Variants in FAM13B observed in about 807,000 individuals in gnomAD.
FAM13B encodes the protein protein FAM13B.
Under a neutral mutation model 117.3 loss-of-function variants are expected in FAM13B, and 60 were observed. That is an observed-to-expected ratio of 0.51 (90% CI 0.42 to 0.63). The LOEUF (loss-of-function observed/expected upper bound fraction) is 0.63. Among genes scored for constraint, FAM13B ranks in the 30% least tolerant of loss-of-function variants. The probability of loss-of-function intolerance (pLI) is 0.00; values close to 1 mark genes in which losing one functional copy is unlikely to be tolerated. For synonymous variants in FAM13B, 332 were observed against 356.1 expected, an observed-to-expected ratio of 0.93 and a Z score of 0.76; for missense variants, 972 against 1,091.9, an observed-to-expected ratio of 0.89 and a Z score of 1.55.
At chr5:137,989,026 A>T (rs1423884401) in intron 7 of FAM13B, among the ~76,000 whole-genome samples, 3 of 152,222 alleles carry the variant, frequency 2.0e-5, no homozygotes, top group Non-Finnish European at 4.4e-5. Context: ...GGTAATTTTT[A>T]AAAAATCATT....
At chr5:137,982,618 T>C (rs1202354851) in intron 10 of FAM13B, among the ~76,000 whole-genome samples, 1 of 152,194 alleles carries the variant, frequency 6.6e-6, no homozygotes, top group African/African-American at 2.4e-5. Context: ...CACAGGGACA[T>C]AGAAAAGAAT....
At chr5:137,959,883 C>T in intron 12 of FAM13B, 120 bp from the exon 13 acceptor site, 1 of 884,604 alleles carries the variant, frequency 1.1e-6, no homozygotes, top group Admixed American at 2.6e-5. Flanking sequence ...ATACAGCCAA[C>T]TGTCCCACTC....
chr5:137,949,190 T>A lies in FAM13B; in HGVS notation c.1931-6A>T. On this transcript the variant is annotated splice_polypyrimidine_tract_variant and splice_region_variant and intron_variant, in intron 17 of 23. Coordinates refer to ENST00000689681, the MANE Select transcript of FAM13B (RefSeq NM_001385994.1). ...AGAATTTTTGTGTTTTGCATCTACA[T>A]GTCAGAAATAAGGACAGATCAGTAA... The A allele has an allele frequency of 6.2e-7, 1 of 1,609,786 alleles. No homozygotes were observed. The highest frequency in any genetic ancestry group is 8.5e-7 in the Non-Finnish European group (1 of 1,176,198).
At chr5:137,967,044 A>T (rs1448956362) in intron 10 of FAM13B, among the ~76,000 whole-genome samples, 5 of 152,108 alleles carry the variant, frequency 3.3e-5, no homozygotes, top group Non-Finnish European at 4.4e-5. Flanking sequence ...TAAAAGAAGA[A>T]AGTTAGCTTA....
rs1761163168 is a variant in FAM13B, at chr5:137,940,006, G to A, written c.*219C>T. 1 of 1,600,140 alleles carries A rather than the reference G, an allele frequency of 6.2e-7. No individual in the cohort carries two copies. Among genetic ancestry groups the A allele is most frequent in the Non-Finnish European group, 8.5e-7 (1 of 1,172,896 alleles). The stretch of plus-strand genomic sequence containing the variant: ...AAACCATATGTTTGCTAAAGGTGGA[G>A]AGGACAGTCTGTGGTTAATATGGAA... On this transcript the variant is annotated 3_prime_UTR_variant, in exon 24 of 24. Coordinates refer to ENST00000689681, the MANE Select transcript of FAM13B (RefSeq NM_001385994.1).
intron 6 of FAM13B, among the ~76,000 whole-genome samples, chr5:138,009,510 A>G (rs1783415545): frequency 6.6e-6 from 1 of 151,996 alleles, no homozygotes; most frequent in Admixed American, 6.6e-5. Flanking sequence ...AAGTTTTCAG[A>G]AGTATAAAAG....
intron 10 of FAM13B, among the ~76,000 whole-genome samples, chr5:137,970,077 A>T (rs1211038377): frequency 6.6e-6 from 1 of 152,148 alleles, no homozygotes; most frequent in Non-Finnish European, 1.5e-5. Context: ...CTAGCAAGGC[A>T]GGCCAACGTT....
At chr5:138,007,737 G>C (rs1420598281) in intron 6 of FAM13B, among the ~76,000 whole-genome samples, 1 of 152,214 alleles carries the variant, frequency 6.6e-6, no homozygotes, top group Admixed American at 6.5e-5. Context: ...TATCTTGCTA[G>C]CAGGAGCTCT....
chr5:138,051,775 C>G (rs974162840), intron 1 of FAM13B: 1 of 152,002 alleles, frequency 6.6e-6, no homozygotes, highest in Non-Finnish European at 1.5e-5. Flanking sequence ...AAATTCAAAC[C>G]CTGGTCTATT....
intron 5 of FAM13B, among the ~76,000 whole-genome samples, chr5:138,011,544 C>A (rs1051352789): frequency 1.3e-5 from 2 of 151,972 alleles, no homozygotes. Flanking sequence ...CTCAGCCTCC[C>A]GAGCAGCTGG....
At position 137,985,320 on chromosome 5, in the gene FAM13B, G is replaced by A. The variant is rs761321833; in HGVS notation, c.1116C>T (p.Ser372=). Residue 372 remains serine (S), a synonymous_variant, in exon 10 of 24, where the codon AGC becomes AGT. Transcript: ENST00000689681. The part of the protein sequence containing the change: ...SNRDCSKPVA[S]TNLDNEAMQQ... ...GCATAGCTTCATTGTCTAAATTAGT[G>A]CTAGCCACAGGTTTTGAACAGTCTC... The A allele has an allele frequency of 1.9e-6, 3 of 1,613,688 alleles. No homozygotes were observed. Among genetic ancestry groups the A allele is most frequent in the South Asian group, 2.2e-5 (2 of 91,068 alleles).
At chr5:137,975,775 T>C (rs1276209702) in intron 10 of FAM13B, among the ~76,000 whole-genome samples, 1 of 151,938 alleles carries the variant, frequency 6.6e-6, no homozygotes. Flanking sequence ...CTTCCATCTC[T>C]CACTCCCAAC....
intron 1 of FAM13B, among the ~76,000 whole-genome samples, chr5:138,022,529 C>T (rs1228732903): frequency 2.0e-5 from 3 of 152,046 alleles, no homozygotes; most frequent in Admixed American, 1.3e-4. Context: ...ACCACATTCC[C>T]ATAACAAATC....
At chr5:137,996,616 G>A (rs911820078) in intron 7 of FAM13B, among the ~76,000 whole-genome samples, 14 of 151,484 alleles carry the variant, frequency 9.2e-5, no homozygotes, top group African/African-American at 2.7e-4. Flanking sequence ...TTTTGGAGAT[G>A]GAGTCTCACC....
chr5:138,009,802 CAAAAAA>C (rs756061969), intron 6 of FAM13B, among the ~76,000 whole-genome samples: 2 of 80,496 alleles, frequency 2.5e-5, no homozygotes, highest in Non-Finnish European at 4.5e-5. Context: ...GAGACTGTCT[CAAAAAA>C]AAAAAAAAAA....
At position 137,943,834 on chromosome 5, in the gene FAM13B, G is replaced by C. The variant is rs1188081996; in HGVS notation, c.2341-618C>G. On this transcript the variant is annotated intron_variant, in intron 20 of 23. Coordinates refer to ENST00000689681, the MANE Select transcript of FAM13B (RefSeq NM_001385994.1). ...AAATAGGTATCAACTTTTTTGGTTT[G>C]AGGACCATTCTATACTCTTTTTTAA... 2.0e-5 allele frequency among the ~76,000 whole-genome samples: 3 copies of C among 152,036 alleles called. No individual in the cohort carries two copies. In the East Asian group the frequency reaches 5.8e-4, roughly 29 times the overall value.
chr5:137,976,965 C>T (rs771120220), intron 10 of FAM13B, among the ~76,000 whole-genome samples: 2 of 152,112 alleles, frequency 1.3e-5, no homozygotes, highest in African/African-American at 2.4e-5. Flanking sequence ...CTCTGACTGC[C>T]GGTGAGCCAG....
chr5:138,027,972 T>C (rs1033970255), intron 1 of FAM13B, among the ~76,000 whole-genome samples: 2 of 152,258 alleles, frequency 1.3e-5, no homozygotes, highest in African/African-American at 4.8e-5. Context: ...CCCAGCCATG[T>C]AGAACTGTGA....
rs1561492748 is a variant in FAM13B at position 137,983,213 on chromosome 5, A to AAAAAAAAAAAAAAAAAAAAAAAAC, written c.1179+2043_1179+2044insGTTTTTTTTTTTTTTTTTTTTTTT. 2.1e-4 allele frequency among the ~76,000 whole-genome samples: 20 copies of AAAAAAAAAAAAAAAAAAAAAAAAC among 93,714 alleles called. 2 individuals are homozygous for AAAAAAAAAAAAAAAAAAAAAAAAC. The highest frequency in any genetic ancestry group is 3.1e-4 in the South Asian group (1 of 3,268). 61.5% of individuals were successfully genotyped at this position (93,714 alleles called of 152,430 possible). On this transcript the variant is annotated intron_variant, in intron 10 of 23. Coordinates refer to ENST00000689681, the MANE Select transcript of FAM13B (RefSeq NM_001385994.1). ...AAAAAAAAAAAAAAAAAAAAAAAAA[A>AAAAAAAAAAAAAAAAAAAAAAAAC]AACCGAGTGAGATATCCTGAATGCC...
Sources: allele counts gnomAD v4.1 joint callset (sites outside exome capture counted in the v4.1 genomes callset), GRCh38; gene constraint gnomAD v4.1.1; transcripts MANE v1.5; gene names NCBI Gene and HGNC (gene_info 2026-07-23, HGNC 2026-07-21).